ANKRD30A: variants seen among roughly 807,000 people sequenced by gnomAD.
ANKRD30A encodes the protein ankyrin repeat domain 30A, also known as ankyrin repeat domain-containing protein 30A.
ANKRD30A carries 170 observed loss-of-function variants against 166.3 expected under a neutral mutation model. That is an observed-to-expected ratio of 1.02 (90% confidence interval 0.90 to 1.16). The LOEUF is 1.16. ANKRD30A is among the 50% of genes most tolerant of loss of function. The pLI is 0.00. For synonymous variants in ANKRD30A, 564 were observed against 508.9 expected (o/e 1.11, Z -1.46); for missense variants, 1,630 against 1,518.0 (o/e 1.07, Z -1.23).
At chr10:37,155,094 A>G (rs1479160046) in intron 13 of ANKRD30A, among the ~76,000 whole-genome samples, 1 of 152,218 alleles carries the variant, frequency 6.6e-6, no homozygotes, top group African/African-American at 2.4e-5. Context: ...TTTAAAAACC[A>G]TAAAATTCTG....
chr10:37,149,604 T>C, intron 9 of ANKRD30A, 47 bp from the exon 10 acceptor site: 4 of 1,586,234 alleles, frequency 2.5e-6, no homozygotes, highest in Non-Finnish European at 3.5e-6. Flanking sequence ...TTGGTTGGCA[T>C]TGTCATACTT....
intron 29 of ANKRD30A, among the ~76,000 whole-genome samples, 199 bp from the exon 30 acceptor site, chr10:37,199,528 T>A: frequency 6.6e-6 from 1 of 152,082 alleles, no homozygotes; most frequent in South Asian, 2.1e-4. Context: ...TCTAATGAAA[T>A]AATGTTAATT....
At chr10:37,162,624 A>G (rs372198772) in intron 15 of ANKRD30A, 25 bp from the exon 16 acceptor site, 3 of 1,611,732 alleles carry the variant, frequency 1.9e-6, no homozygotes, top group Middle Eastern at 4.4e-4. Context: ...CATATGATTG[A>G]TGATAAATCT....
chr10:37,248,751 T>A, the ANKRD30A span, among the ~76,000 whole-genome samples: 1 of 151,092 alleles, frequency 6.6e-6, no homozygotes, highest in Non-Finnish European at 1.5e-5. Context: ...ACAAAAGATA[T>A]AGGTAATTCT....
In ANKRD30A at chr10:37,217,675, A is replaced by T; in HGVS notation, c.3084-20A>T. 2 of 1,493,828 alleles carry T rather than the reference A, an allele frequency of 1.3e-6. No individual in the cohort carries two copies. Among genetic ancestry groups the T allele is most frequent in the Non-Finnish European group, 1.8e-6 (2 of 1,119,174 alleles). 92.5% of individuals were successfully genotyped at this position (1,493,828 alleles called of 1,614,324 possible). ...ATTTTCTAACAAAATGAATTTTAAG[A>T]TAAGTATGTTTAATGGCAGATTGAC... On this transcript the variant is annotated intron_variant, in intron 32 of 35. Coordinates refer to ENST00000361713, the MANE Select transcript of ANKRD30A (RefSeq NM_052997.3).
At chr10:37,201,461 A>G (rs1463325000) in intron 31 of ANKRD30A, 136 bp downstream of exon 31, 6 of 553,104 alleles carry the variant, frequency 1.1e-5, no homozygotes, top group African/African-American at 2.0e-5. Context: ...TGCAATGGTC[A>G]TAAGTTATAT....
chr10:37,146,677 A>T (rs922037155), intron 8 of ANKRD30A, among the ~76,000 whole-genome samples: 1 of 152,192 alleles, frequency 6.6e-6, no homozygotes, highest in African/African-American at 2.4e-5. Context: ...TGATTAATTA[A>T]CAAAAGCTTG....
chr10:37,217,739 T>C lies in ANKRD30A; in HGVS notation c.3128T>C (p.Ile1043Thr), dbSNP rs1564584990. The change falls in exon 33 of 36, where the codon ATA becomes ACA. Residue 1043 changes from isoleucine (I) to threonine (T), a missense_variant. Transcript: ENST00000361713. The stretch of plus-strand genomic sequence containing the variant: ...GAAGAGAAGAGAAGAAATGCCGATA[T>C]ATTAAATGAAAAAATTAGGGAAGAA... Reference protein sequence around the residue: ...QEEEKRRNADILNEKIREELG... With the variant: ...QEEEKRRNADTLNEKIREELG... 1.3e-6 allele frequency: 2 copies of C among 1,594,210 alleles called. No individual in the cohort carries two copies. The highest frequency in any genetic ancestry group is 1.4e-5 in the African/African-American group (1 of 73,396).
chr10:37,179,013 A>AATAT (rs139390228), intron 24 of ANKRD30A, among the ~76,000 whole-genome samples: 1,738 of 115,872 alleles, frequency 0.015, 3 homozygotes, highest in Non-Finnish European at 0.019. Flanking sequence ...TGAGGCGTCA[A>AATAT]ATATATATAT....
rs772495428 is a variant in ANKRD30A at position 37,145,011 on chromosome 10, A to G, written c.1410A>G (p.Ser470=). Residue 470 remains serine, a synonymous_variant, in exon 8 of 36, where the codon TCA becomes TCG. Coordinates refer to ENST00000361713, the MANE Select transcript of ANKRD30A (RefSeq NM_052997.3). ...TTTTTATAGATCAGAGGTTCCCATC[A>G]GAATCCAAACAAGAGGAAGATGAAG... The part of the protein sequence containing the change: ...KASANDQRFP[S]ESKQEEDEEY... 1 of 1,602,724 alleles carries G rather than the reference A, an allele frequency of 6.2e-7. No individual in the cohort carries two copies. Among genetic ancestry groups the G allele is most frequent in the African/African-American group, 1.3e-5 (1 of 74,536 alleles).
Position 37,162,678 on chromosome 10 carries a change from G to A in ANKRD30A, c.1929+1G>A, listed in dbSNP as rs1197785405. On this transcript the variant is annotated splice_donor_variant, in intron 16 of 35. Transcript: ENST00000361713. LOFTEE classifies it high-confidence loss of function. ...TCCGGGGAAGCCATCTGCCTTCGAG[G>A]TATTTAGTTTTATGATTTCATTTTG... The A allele has an allele frequency of 1.2e-6, 2 of 1,612,340 alleles. No individual in the cohort carries two copies. Among genetic ancestry groups the A allele is most frequent in the African/African-American group, 1.3e-5 (1 of 74,784 alleles).
intron 13 of ANKRD30A, among the ~76,000 whole-genome samples, chr10:37,156,933 C>T (rs1021373581): frequency 2.0e-4 from 31 of 152,182 alleles, no homozygotes; most frequent in African/African-American, 4.6e-4. Context: ...AATGGTTAGA[C>T]ATAAATTTTG....
chr10:37,162,664 C>T lies in ANKRD30A; in HGVS notation c.1916C>T (p.Pro639Leu), dbSNP rs1378742954. 2 of 1,612,354 alleles carry T rather than the reference C, an allele frequency of 1.2e-6. No individual in the cohort carries two copies. The change falls in exon 16 of 36, where the codon CCA (proline) becomes CTA (leucine). Residue 639 changes from proline to leucine, a missense_variant. Pro to Leu is a moderately conservative substitution (Grantham distance 98, BLOSUM62 -3). Coordinates refer to ENST00000361713, the MANE Select transcript of ANKRD30A (RefSeq NM_052997.3). Reference sequence around the variant, plus strand: ...TGCTTTTTAGAGCCTCCGGGGAAGCCATCTGCCTTCGAGGTATTTAGTTTT... The same window carrying T: ...TGCTTTTTAGAGCCTCCGGGGAAGCTATCTGCCTTCGAGGTATTTAGTTTT... ...QTFKAEPPGK[P>L]SAFEPATEMQ...
At chr10:37,190,516 A>G (rs984473674) in intron 25 of ANKRD30A, among the ~76,000 whole-genome samples, 1 of 151,826 alleles carries the variant, frequency 6.6e-6, no homozygotes, top group East Asian at 1.9e-4. Context: ...AAGAGTTGGA[A>G]AAAATAATGT....
At chr10:37,133,769 G>C (rs905625186) in intron 4 of ANKRD30A, 147 bp from the exon 5 acceptor site, 2 of 943,250 alleles carry the variant, frequency 2.1e-6, no homozygotes, top group East Asian at 5.3e-5. Context: ...CTTCCTTTTA[G>C]CCTTGGTGGT....
At chr10:37,127,321 A>G (rs1253692450) in intron 1 of ANKRD30A, among the ~76,000 whole-genome samples, 2 of 152,084 alleles carry the variant, frequency 1.3e-5, no homozygotes, top group Non-Finnish European at 2.9e-5. Flanking sequence ...AATGTACAAA[A>G]TGATAAAAAT....
chr10:37,140,896 G>T (rs1460223416), intron 6 of ANKRD30A, among the ~76,000 whole-genome samples: 2 of 152,118 alleles, frequency 1.3e-5, no homozygotes, highest in African/African-American at 2.4e-5. Context: ...CATATAGTTT[G>T]GGTCTTTAAG....
chr10:37,195,328 C>T (rs1840988768), intron 27 of ANKRD30A, among the ~76,000 whole-genome samples: 1 of 152,082 alleles, frequency 6.6e-6, no homozygotes, highest in African/African-American at 2.4e-5. Flanking sequence ...CAGATTCATT[C>T]TGTGTCTCAT....
rs1421199305 is a variant in ANKRD30A, at chr10:37,141,770, A to G, written c.873A>G (p.Thr291=). ...PDEAAPLAER[T]PDTAESLVEK... ...AGGCTGCACCCTTGGCGGAAAGAAC[A>G]CCTGACACAGCTGAAAGCTTGGTGG... Residue 291 remains threonine, a synonymous_variant, in exon 7 of 36, where the codon ACA becomes ACG. Transcript: ENST00000361713. 6.2e-7 allele frequency: 1 copy of G among 1,612,204 alleles called. No individual in the cohort carries two copies.
Sources: allele counts gnomAD v4.1 joint callset (sites outside exome capture counted in the v4.1 genomes callset), GRCh38; gene constraint gnomAD v4.1.1; transcripts MANE v1.5; gene names NCBI Gene and HGNC (gene_info 2026-07-23, HGNC 2026-07-21).